The following SNTB1 variants were observed in gnomAD, a reference collection of about 807,000 sequenced individuals.
SNTB1 encodes syntrophin beta 1.
SNTB1 carries 36 observed loss-of-function variants against 48.9 expected under a neutral mutation model. That is an observed-to-expected ratio of 0.74 (90% CI 0.56 to 0.97). The LOEUF is 0.97. Among genes scored for constraint, SNTB1 ranks in the 50% least tolerant of loss-of-function variants. The probability of loss-of-function intolerance (pLI) is 0.00; values close to 1 mark genes in which losing one functional copy is unlikely to be tolerated. For synonymous variants in SNTB1, 299 were observed against 294.6 expected (o/e 1.01, Z -0.15); for missense variants, 786 against 703.4 (o/e 1.12, Z -1.33).
intron 3 of SNTB1, among the ~76,000 whole-genome samples, chr8:120,622,051 G>A (rs1481868940): frequency 1.3e-5 from 2 of 152,174 alleles, no homozygotes; most frequent in African/African-American, 4.8e-5. Flanking sequence ...CCCAGACACT[G>A]TCTAGGCACT....
chr8:120,677,799 T>C (rs1389199938), intron 2 of SNTB1, among the ~76,000 whole-genome samples: 1 of 152,142 alleles, frequency 6.6e-6, no homozygotes, highest in Non-Finnish European at 1.5e-5. Flanking sequence ...ACCCAGATAA[T>C]AAGTAGAAAA....
chr8:120,564,321 C>T (rs1267365178), intron 4 of SNTB1, among the ~76,000 whole-genome samples: 2 of 151,976 alleles, frequency 1.3e-5, no homozygotes, highest in Non-Finnish European at 2.9e-5. Context: ...TTGCATTCTC[C>T]CTCCATGCAC....
At chr8:120,632,371 T>G (rs112200529) in intron 3 of SNTB1, 73 bp downstream of exon 3, 3 of 1,328,762 alleles carry the variant, frequency 2.3e-6, no homozygotes, top group East Asian at 2.4e-5. Flanking sequence ...TGGGATGAGA[T>G]AGTTTTAGTG....
At chr8:120,697,349 G>A (rs906574171) in intron 1 of SNTB1, among the ~76,000 whole-genome samples, 3 of 152,136 alleles carry the variant, frequency 2.0e-5, no homozygotes, top group African/African-American at 2.4e-5. Flanking sequence ...AAAAAAATAA[G>A]GTAGGTGTGA....
chr8:120,635,990 C>T (rs1323756838), intron 2 of SNTB1: 4 of 859,004 alleles, frequency 4.7e-6, no homozygotes, highest in East Asian at 4.1e-5. Context: ...TCCAGAATCC[C>T]ATTCAATAGA....
chr8:120,698,058 G>A (rs935538771), intron 1 of SNTB1, among the ~76,000 whole-genome samples: 2 of 152,156 alleles, frequency 1.3e-5, no homozygotes, highest in Non-Finnish European at 2.9e-5. Flanking sequence ...GTAAGGTATA[G>A]CGAATATGGC....
At position 120,804,984 on chromosome 8, in the gene SNTB1, T is replaced by C. The variant is rs1049777034; in HGVS notation, c.571+6289A>G. Among the ~76,000 whole-genome samples, 5 of 152,206 alleles carry C rather than the reference T, an allele frequency of 3.3e-5. No individual in the cohort carries two copies. The South Asian group carries it at 1.0e-3, about 32-fold the overall frequency. ...CTCTTGTAGGTATCTGCATGGTACT[T>C]ATCTGTATCTGTCAATAGAATGTTG... On this transcript the variant is annotated intron_variant, in intron 1 of 6. Coordinates refer to ENST00000517992, the MANE Select transcript of SNTB1 (RefSeq NM_021021.4).
At chr8:120,613,144 G>A (rs1816651713) in intron 3 of SNTB1, among the ~76,000 whole-genome samples, 1 of 152,092 alleles carries the variant, frequency 6.6e-6, no homozygotes, top group Admixed American at 6.5e-5. Flanking sequence ...GAGGCCAGGA[G>A]TTCAAAACCA....
intron 3 of SNTB1, among the ~76,000 whole-genome samples, chr8:120,623,327 C>G (rs1249846969): frequency 6.6e-6 from 1 of 152,188 alleles, no homozygotes; most frequent in African/African-American, 2.4e-5. Context: ...GGTGAGTTAA[C>G]CTGGTTCCAT....
At chr8:120,746,130 G>C (rs1252654594) in intron 1 of SNTB1, among the ~76,000 whole-genome samples, 3 of 152,072 alleles carry the variant, frequency 2.0e-5, no homozygotes. Flanking sequence ...CTTATACTTG[G>C]ACTTTCTTTC....
intron 2 of SNTB1, among the ~76,000 whole-genome samples, chr8:120,683,133 G>A (rs987832482): frequency 4.6e-5 from 7 of 151,998 alleles, no homozygotes; most frequent in African/African-American, 9.7e-5. Flanking sequence ...CACCCACCTC[G>A]GCCTCCCAAA....
intron 3 of SNTB1, among the ~76,000 whole-genome samples, chr8:120,594,167 G>T (rs2130710900): frequency 6.6e-6 from 1 of 152,142 alleles, no homozygotes; most frequent in African/African-American, 2.4e-5. Context: ...GGGCTCAAGT[G>T]ATCCTCCCCC....
chr8:120,721,479 A>T (rs892807248), intron 1 of SNTB1, among the ~76,000 whole-genome samples: 6 of 152,226 alleles, frequency 3.9e-5, no homozygotes, highest in Admixed American at 1.3e-4. Context: ...TGAGGCTTAC[A>T]TAAAACTTCA....
intron 2 of SNTB1, among the ~76,000 whole-genome samples, chr8:120,678,948 G>T (rs1294964635): frequency 1.3e-5 from 2 of 152,160 alleles, no homozygotes; most frequent in African/African-American, 4.8e-5. Context: ...GAAGAAAAAG[G>T]TTGGGGTACT....
At chr8:120,619,400 T>C (rs1816760853) in intron 3 of SNTB1, among the ~76,000 whole-genome samples, 1 of 152,152 alleles carries the variant, frequency 6.6e-6, no homozygotes. Flanking sequence ...ACGTTAACTC[T>C]GACTTATGAC....
At chr8:120,711,514 G>C (rs1387481683) in intron 1 of SNTB1, among the ~76,000 whole-genome samples, 1 of 152,126 alleles carries the variant, frequency 6.6e-6, no homozygotes, top group Non-Finnish European at 1.5e-5. Flanking sequence ...CTCCATGCAA[G>C]ACTGTTTACT....
At chr8:120,678,641 A>G (rs182963744) in intron 2 of SNTB1, among the ~76,000 whole-genome samples, 67 of 152,362 alleles carry the variant, frequency 4.4e-4, no homozygotes, top group Non-Finnish European at 6.5e-4. Flanking sequence ...GGGCTGCCCA[A>G]GACATTTTTC....
chr8:120,672,942 A>G (rs1463800103), intron 2 of SNTB1, among the ~76,000 whole-genome samples: 1 of 152,164 alleles, frequency 6.6e-6, no homozygotes, highest in East Asian at 1.9e-4. Context: ...AGGGAAAACC[A>G]TAGTACCTCA....
At chr8:120,570,035 C>T (rs189059162) in intron 4 of SNTB1, among the ~76,000 whole-genome samples, 1 of 152,210 alleles carries the variant, frequency 6.6e-6, no homozygotes, top group African/African-American at 2.4e-5. Flanking sequence ...CACTTCAGTC[C>T]TTGTTGCCTT....
Sources: allele counts gnomAD v4.1 joint callset (sites outside exome capture counted in the v4.1 genomes callset), GRCh38; gene constraint gnomAD v4.1.1; transcripts MANE v1.5; gene names NCBI Gene and HGNC (gene_info 2026-07-23, HGNC 2026-07-21).